ZWILCH: variants seen among roughly 807,000 people sequenced by gnomAD.
ZWILCH encodes the protein protein zwilch homolog.
In ZWILCH, 74 loss-of-function variants were observed where a neutral mutation model predicts 79.9. The observed-to-expected ratio is 0.93, with a 90% CI of 0.77 to 1.12. The LOEUF is 1.12. ZWILCH is among the 50% of genes most tolerant of loss of function. The probability of loss-of-function intolerance (pLI) is 0.00; values close to 1 mark genes in which losing one functional copy is unlikely to be tolerated. For missense variants in ZWILCH, 694 were observed against 687.5 expected (o/e 1.01, Z -0.11); for synonymous variants, 241 against 228.2 (o/e 1.06, Z -0.51).
At chr15:66,546,787 G>C (rs1180324157) in intron 18 of ZWILCH, 82 bp downstream of exon 18, 2 of 643,482 alleles carry the variant, frequency 3.1e-6, no homozygotes, top group African/African-American at 3.7e-5. Flanking sequence ...CATTATCAAT[G>C]TCGATTTGCT....
intron 1 of ZWILCH, among the ~76,000 whole-genome samples, chr15:66,506,280 G>T (rs1230051068): frequency 6.6e-6 from 1 of 152,116 alleles, no homozygotes; most frequent in African/African-American, 2.4e-5. Context: ...AAAAAAACTG[G>T]CATGTCTTGG....
At chr15:66,526,376 G>C (rs1422109896) in intron 8 of ZWILCH, among the ~76,000 whole-genome samples, 1 of 152,004 alleles carries the variant, frequency 6.6e-6, no homozygotes, top group African/African-American at 2.4e-5. Context: ...ATTTCATGCC[G>C]TTTTCCTGCC....
chr15:66,527,989 G>A, intron 10 of ZWILCH, 77 bp downstream of exon 10: 2 of 1,251,914 alleles, frequency 1.6e-6, no homozygotes, highest in Admixed American at 2.6e-5. Flanking sequence ...CTTTCATGTT[G>A]TACCATCGCA....
At chr15:66,548,226 A>G (rs1895453386) in intron 18 of ZWILCH, 125 bp from the exon 19 acceptor site, 1 of 258,356 alleles carries the variant, frequency 3.9e-6, no homozygotes, top group Non-Finnish European at 7.4e-6. Flanking sequence ...ATTTTTGTAA[A>G]TAATTCATAA....
intron 2 of ZWILCH, among the ~76,000 whole-genome samples, chr15:66,512,694 A>ATCTTCTGGATTCAGGCAAT (rs1894113580): frequency 6.6e-6 from 1 of 152,156 alleles, no homozygotes; most frequent in South Asian, 2.1e-4. Context: ...TGCAACCTCC[A>ATCTTCTGGATTCAGGCAAT]TCTTCTGGAT....
At position 66,548,877 on chromosome 15, in the gene ZWILCH, T is replaced by TA. The variant is rs1895485776; in HGVS notation, c.*554dup. The TA allele has an allele frequency of 1.0e-5, 2 of 198,868 alleles. No homozygotes were observed. The highest frequency in any genetic ancestry group is 2.0e-5 in the Non-Finnish European group (2 of 98,262). 12.3% of individuals were successfully genotyped at this position (198,868 alleles called of 1,614,324 possible). A position where few individuals can be genotyped will look rare whatever the true frequency, so the allele number is the denominator to read the frequency against. ...ATAATAAAGTCCATCTCTCAATACT[T>TA]ATACTTTCTAAATTCATCTCAGAAT... On this transcript the variant is annotated 3_prime_UTR_variant, in exon 19 of 19. Transcript: ENST00000307897.
intron 13 of ZWILCH, 41 bp downstream of exon 13, chr15:66,532,444 AC>A (rs779181236): frequency 1.3e-6 from 2 of 1,542,940 alleles, no homozygotes; most frequent in Non-Finnish European, 1.8e-6. Flanking sequence ...AAAACACATC[AC>A]AGTTATCAGT....
At chr15:66,526,131 T>TCTCTTCCTAG (rs767474833) in intron 8 of ZWILCH, among the ~76,000 whole-genome samples, 10 of 152,290 alleles carry the variant, frequency 6.6e-5, no homozygotes, top group Non-Finnish European at 7.4e-5. Flanking sequence ...TGGGAAATGT[T>TCTCTTCCTAG]GTATTTTCTC....
At chr15:66,520,418 G>A in intron 5 of ZWILCH, 172 bp from the exon 6 acceptor site, 1 of 560,590 alleles carries the variant, frequency 1.8e-6, no homozygotes, top group Non-Finnish European at 3.2e-6. Flanking sequence ...ACCATACCCA[G>A]CCCACTTTCA....
rs1276207942 is a variant in ZWILCH at position 66,521,129 on chromosome 15, C to T, written c.671C>T (p.Ala224Val). The change falls in exon 7 of 19, where the codon GCG (alanine) becomes GTG (valine). Residue 224 changes from alanine to valine, a missense_variant. By Grantham distance (64) the Ala-to-Val change is moderately conservative. Transcript: ENST00000307897. ...LDDTITASQT[A>V]IALDISWSPV... is the part of the protein sequence containing the mutation. ...GATACAATCACAGCATCACAAACTG[C>T]GATCGCTTTGGATATTTCCTGGAGT... 9 of 1,613,980 alleles carry T rather than the reference C, an allele frequency of 5.6e-6. No homozygotes were observed. Among genetic ancestry groups the T allele is most frequent in the East Asian group, 4.5e-5 (2 of 44,896 alleles).
chr15:66,523,151 C>A (rs1894558877), intron 7 of ZWILCH, among the ~76,000 whole-genome samples: 1 of 152,172 alleles, frequency 6.6e-6, no homozygotes, highest in Non-Finnish European at 1.5e-5. Flanking sequence ...TATACTTTTC[C>A]TGTAATGGGA....
In ZWILCH at chr15:66,505,402, T is replaced by C. The variant is rs1227392815; in HGVS notation, c.53+11T>C. 3.1e-6 allele frequency: 5 copies of C among 1,613,956 alleles called. No homozygotes were observed. The East Asian group carries it at 6.7e-5, about 22-fold the overall frequency. On this transcript the variant is annotated intron_variant, in intron 1 of 18. Coordinates refer to ENST00000307897, the MANE Select transcript of ZWILCH (RefSeq NM_017975.5). ...TTCTCGTCTCCTTCAGTGAGTCTAG[T>C]CTCTTCTTTTGGCTGGGGTCCTGGG...
At chr15:66,512,117 A>T (rs1206997439) in intron 2 of ZWILCH, among the ~76,000 whole-genome samples, 1 of 152,214 alleles carries the variant, frequency 6.6e-6, no homozygotes, top group East Asian at 1.9e-4. Flanking sequence ...ATAATATGGA[A>T]TTAGTTATGT....
At chr15:66,522,298 G>A (rs1418137662) in intron 7 of ZWILCH, among the ~76,000 whole-genome samples, 1 of 150,170 alleles carries the variant, frequency 6.7e-6, no homozygotes, top group Non-Finnish European at 1.5e-5. Context: ...AAACTGGAAT[G>A]TTCAGTAGGG....
intron 5 of ZWILCH, 29 bp downstream of exon 5, chr15:66,519,107 G>A (rs764661169): frequency 1.3e-6 from 2 of 1,593,564 alleles, no homozygotes; most frequent in East Asian, 2.2e-5. Context: ...GAGTGTGTGT[G>A]TGTATTTATT....
intron 7 of ZWILCH, among the ~76,000 whole-genome samples, chr15:66,521,493 T>A (rs1485849706): frequency 6.8e-6 from 1 of 148,058 alleles, no homozygotes; most frequent in Non-Finnish European, 1.5e-5. Context: ...CGTGTTTTTG[T>A]TTGTTTGTTT....
At chr15:66,535,606 G>A (rs1281634959) in intron 14 of ZWILCH, among the ~76,000 whole-genome samples, 2 of 151,816 alleles carry the variant, frequency 1.3e-5, no homozygotes, top group East Asian at 3.9e-4. Context: ...AATCCAGGAG[G>A]TGGAGGTTGC....
intron 11 of ZWILCH, 93 bp downstream of exon 11, chr15:66,529,050 G>A (rs918778721): frequency 4.9e-5 from 47 of 968,148 alleles, no homozygotes; most frequent in Admixed American, 6.8e-5. Context: ...CACTAGTTTT[G>A]TGGGGAAGTC....
chr15:66,511,148 T>G (rs1353316834), intron 2 of ZWILCH, among the ~76,000 whole-genome samples: 1 of 152,150 alleles, frequency 6.6e-6, no homozygotes, highest in Non-Finnish European at 1.5e-5. Flanking sequence ...CCAAATGGAT[T>G]CAAATAATAA....
Sources: allele counts gnomAD v4.1 joint callset (sites outside exome capture counted in the v4.1 genomes callset), GRCh38; gene constraint gnomAD v4.1.1; transcripts MANE v1.5; gene names NCBI Gene and HGNC (gene_info 2026-07-23, HGNC 2026-07-21).